Variants in ZMAT3 observed in about 807,000 individuals in gnomAD.
ZMAT3 encodes the protein zinc finger matrin-type protein 3.
A neutral mutation model predicts 32.3 loss-of-function variants in ZMAT3; 17 were observed. That is an observed-to-expected ratio of 0.53 (90% confidence interval 0.36 to 0.79). The LOEUF (loss-of-function observed/expected upper bound fraction) is 0.79. Among genes scored for constraint, ZMAT3 ranks in the 30% least tolerant of loss-of-function variants. The pLI, the probability that ZMAT3 is intolerant of heterozygous loss-of-function variation, is 0.00. For missense variants in ZMAT3, 329 were observed against 359.7 expected, an observed-to-expected ratio of 0.91 and a Z score of 0.69; for synonymous variants, 120 against 133.1, an observed-to-expected ratio of 0.90 and a Z score of 0.68.
At chr3:179,042,532 G>A (rs1720004203) in intron 2 of ZMAT3, among the ~76,000 whole-genome samples, 1 of 152,162 alleles carries the variant, frequency 6.6e-6, no homozygotes, top group Non-Finnish European at 1.5e-5. Flanking sequence ...CAGCCTTCAT[G>A]CCAAAAACTC....
intron 2 of ZMAT3, among the ~76,000 whole-genome samples, chr3:179,060,654 A>G (rs1490770644): frequency 6.6e-6 from 1 of 152,098 alleles, no homozygotes; most frequent in East Asian, 1.9e-4. Context: ...AAAAATATAT[A>G]TATTTTTTAA....
intron 2 of ZMAT3, among the ~76,000 whole-genome samples, chr3:179,044,835 T>A (rs1177312907): frequency 6.6e-6 from 1 of 151,528 alleles, no homozygotes; most frequent in Admixed American, 6.6e-5. Flanking sequence ...AACAAGGATA[T>A]CACTTGGACA....
chr3:179,025,623 T>G (rs2108533648), intron 5 of ZMAT3, among the ~76,000 whole-genome samples: 1 of 152,324 alleles, frequency 6.6e-6, no homozygotes, highest in East Asian at 1.9e-4. Context: ...ATTTTCACAC[T>G]GAGATTTAAT....
intron 2 of ZMAT3, among the ~76,000 whole-genome samples, chr3:179,031,741 T>A (rs989015042): frequency 3.3e-5 from 5 of 152,006 alleles, no homozygotes; most frequent in African/African-American, 9.7e-5. Flanking sequence ...ACCCCATCTC[T>A]ACTAAAAATA....
chr3:179,042,345 A>G (rs1241813177), intron 2 of ZMAT3, among the ~76,000 whole-genome samples: 1 of 152,220 alleles, frequency 6.6e-6, no homozygotes, highest in African/African-American at 2.4e-5. Context: ...GGCAAACCGA[A>G]TCCAGCAGCG....
At position 179,023,710 on chromosome 3, in the gene ZMAT3, A is replaced by ATTTTTT. The variant is rs1164517696; in HGVS notation, c.*1301_*1306dup. Reference sequence around the variant, plus strand: ...GGAAAATATATCTATATATATATATATTTTTTTTTTTTTTTTTTTTTTTTT... The same window carrying ATTTTTT: ...GGAAAATATATCTATATATATATATATTTTTTTTTTTTTTTTTTTTTTTTTTTTTTT... On this transcript the variant is annotated 3_prime_UTR_variant, in exon 6 of 6. Transcript: ENST00000311417. 6.4e-4 allele frequency: 16 copies of ATTTTTT among 25,054 alleles called. 4 individuals are homozygous for ATTTTTT. Among genetic ancestry groups the ATTTTTT allele is most frequent in the African/African-American group, 2.4e-3 (9 of 3,682 alleles). The allele number at this position is 25,054 out of a possible 1,614,324, so 1.6% of individuals were successfully genotyped here.
At position 179,023,163 on chromosome 3, in the gene ZMAT3, C is replaced by CTTTTT. The variant is rs11337660; in HGVS notation, c.*1849_*1853dup. 1 of 131,886 alleles carries CTTTTT rather than the reference C, an allele frequency of 7.6e-6. No individual in the cohort carries two copies. 8.2% of individuals were successfully genotyped at this position (131,886 alleles called of 1,614,324 possible). ...TTAATCTAGATATATATTATAGCTTCTTTTTTTTTTTTTTTGGAGACGGAG... is the reference window on the plus strand; with the variant it reads ...TTAATCTAGATATATATTATAGCTTCTTTTTTTTTTTTTTTTTTTTGGAGACGGAG... On this transcript the variant is annotated 3_prime_UTR_variant, in exon 6 of 6. Transcript: ENST00000311417.
At position 179,019,447 on chromosome 3, in the gene ZMAT3, T is replaced by C. The variant is rs943186069; in HGVS notation, c.*5570A>G. ...AATGTTCTTTAAAAAAAAAATCTGATGGATCGATGGATGAAAAGAGGGATA... is the reference window on the plus strand; with the variant it reads ...AATGTTCTTTAAAAAAAAAATCTGACGGATCGATGGATGAAAAGAGGGATA... On this transcript the variant is annotated 3_prime_UTR_variant, in exon 6 of 6. Coordinates refer to ENST00000311417, the MANE Select transcript of ZMAT3 (RefSeq NM_022470.4). 4.6e-5 allele frequency: 7 copies of C among 152,000 alleles called. No individual in the cohort carries two copies. Among genetic ancestry groups the C allele is most frequent in the African/African-American group, 1.7e-4 (7 of 41,386 alleles). The allele number at this position is 152,000 out of a possible 1,614,324, so 9.4% of individuals were successfully genotyped here.
intron 2 of ZMAT3, among the ~76,000 whole-genome samples, chr3:179,063,294 G>A (rs1721243919): frequency 6.6e-6 from 1 of 152,232 alleles, no homozygotes; most frequent in African/African-American, 2.4e-5. Flanking sequence ...ATATTAAAAT[G>A]TAAGTGCCAA....
At chr3:179,034,245 G>A (rs570195158) in intron 2 of ZMAT3, among the ~76,000 whole-genome samples, 1 of 152,304 alleles carries the variant, frequency 6.6e-6, no homozygotes, top group East Asian at 1.9e-4. Flanking sequence ...GCTAAATAGA[G>A]TAATGAACTA....
chr3:179,066,057 A>G (rs1382551520), intron 2 of ZMAT3, among the ~76,000 whole-genome samples: 1 of 152,212 alleles, frequency 6.6e-6, no homozygotes, highest in Non-Finnish European at 1.5e-5. Flanking sequence ...CTTAGGCTAT[A>G]AAACTGAACA....
intron 2 of ZMAT3, among the ~76,000 whole-genome samples, chr3:179,037,240 C>T (rs1719645079): frequency 6.6e-6 from 1 of 152,182 alleles, no homozygotes; most frequent in Non-Finnish European, 1.5e-5. Flanking sequence ...CTGTAACATG[C>T]CCCTGTTCGC....
chr3:179,030,963 C>A lies in ZMAT3; in HGVS notation c.307G>T (p.Ala103Ser), dbSNP rs2108540914. 1 of 1,613,522 alleles carries A rather than the reference C, an allele frequency of 6.2e-7. No homozygotes were observed. Among genetic ancestry groups the A allele is most frequent in the Non-Finnish European group, 8.5e-7 (1 of 1,179,740 alleles). The change falls in exon 3 of 6, where the codon GCA becomes TCA. Residue 103 changes from alanine to serine, a missense_variant. Coordinates refer to ENST00000311417, the MANE Select transcript of ZMAT3 (RefSeq NM_022470.4). ...NHGKKLRNYY[A>S]ANSCPPPARM... is the part of the protein sequence containing the mutation. ...GCAGGAGGAGGACAGCTATTTGCTG[C>A]ATAGTAATTTCGGAGTTTCTTACCA... is the stretch of plus-strand genomic sequence containing the variant.
chr3:179,056,637 C>G (rs374053414), intron 2 of ZMAT3, among the ~76,000 whole-genome samples: 2 of 152,266 alleles, frequency 1.3e-5, no homozygotes, highest in South Asian at 4.1e-4. Flanking sequence ...CATGCCATCA[C>G]CCTCACAGAG....
At chr3:179,033,046 A>C (rs1156727404) in intron 2 of ZMAT3, among the ~76,000 whole-genome samples, 1 of 152,258 alleles carries the variant, frequency 6.6e-6, no homozygotes, top group Non-Finnish European at 1.5e-5. Flanking sequence ...CGAATAGAAA[A>C]GGGGGAAGTG....
rs189164596 is a variant in ZMAT3 at position 179,044,897 on chromosome 3, G to C, written c.271-13898C>G. 1.8e-3 allele frequency among the ~76,000 whole-genome samples: 271 copies of C among 152,168 alleles called. 2 individuals carry two copies. Among genetic ancestry groups the C allele is most frequent in the Middle Eastern group, 3.4e-3 (1 of 294 alleles). ...GCCTGTCAGGGGGCGGGGGACTAGG[G>C]GAGGGATAGCATTAGGAGATATACC... On this transcript the variant is annotated intron_variant, in intron 2 of 5. Coordinates refer to ENST00000311417, the MANE Select transcript of ZMAT3 (RefSeq NM_022470.4).
At chr3:179,035,296 T>C (rs1719524481) in intron 2 of ZMAT3, among the ~76,000 whole-genome samples, 1 of 152,212 alleles carries the variant, frequency 6.6e-6, no homozygotes, top group African/African-American at 2.4e-5. Flanking sequence ...CACTCCTTCC[T>C]TTCCCCTGCT....
chr3:179,033,636 A>T (rs1719422721), intron 2 of ZMAT3, among the ~76,000 whole-genome samples: 1 of 152,226 alleles, frequency 6.6e-6, no homozygotes, highest in Non-Finnish European at 1.5e-5. Flanking sequence ...CCACAGATAA[A>T]TATGAATTTC....
intron 2 of ZMAT3, among the ~76,000 whole-genome samples, chr3:179,047,511 T>C (rs1720305622): frequency 6.6e-6 from 1 of 152,196 alleles, no homozygotes; most frequent in African/African-American, 2.4e-5. Context: ...AGGTGAAATA[T>C]CTGAATTGCC....
Sources: allele counts gnomAD v4.1 joint callset (sites outside exome capture counted in the v4.1 genomes callset), GRCh38; gene constraint gnomAD v4.1.1; transcripts MANE v1.5; gene names NCBI Gene and HGNC (gene_info 2026-07-23, HGNC 2026-07-21).